Variants in STK11IP observed in about 807,000 individuals in gnomAD.
STK11IP encodes the protein serine/threonine kinase 11 interacting protein, also known as serine/threonine-protein kinase 11-interacting protein.
A neutral mutation model predicts 131.7 loss-of-function variants in STK11IP; 103 were observed. The observed-to-expected ratio is 0.78, with a 90% CI of 0.67 to 0.92. STK11IP has a LOEUF of 0.92. Among genes scored for constraint, STK11IP ranks in the 40% least tolerant of loss-of-function variants. STK11IP has a pLI of 0.00. For synonymous variants in STK11IP, 557 were observed against 575.6 expected, an observed-to-expected ratio of 0.97 and a Z score of 0.46; for missense variants, 1,315 against 1,385.7, an observed-to-expected ratio of 0.95 and a Z score of 0.81.
intron 5 of STK11IP, 109 bp from the exon 6 acceptor site, chr2:219,602,359 A>T (rs1698015310): frequency 1.2e-6 from 1 of 839,412 alleles, no homozygotes; most frequent in African/African-American, 1.7e-5. Context: ...GTATCTTCAG[A>T]TGGAGTTCAG....
At position 219,605,637 on chromosome 2, in the gene STK11IP, C is replaced by T; in HGVS notation, c.648C>T (p.Ile216=). 1 of 1,552,766 alleles carries T rather than the reference C, an allele frequency of 6.4e-7. No individual in the cohort carries two copies. The highest frequency in any genetic ancestry group is 8.7e-7 in the Non-Finnish European group (1 of 1,147,552). The part of the protein sequence containing the change: ...MDLCELHHLD[I]SYNRLHLVPR... ...TGTGTGAGCTCCACCATCTGGACAT[C>T]TCCTATAATCGCCTGCATTTGGTGC... is the stretch of plus-strand genomic sequence containing the variant. The change falls in exon 8 of 25, where the codon ATC becomes ATT. Residue 216 remains isoleucine (I), a synonymous_variant. Transcript: ENST00000456909.
rs140290200 is a variant in STK11IP, at chr2:219,611,255, G to A, written c.2105-349G>A. Among the ~76,000 whole-genome samples the A allele has an allele frequency of 5.3e-4, 80 of 152,294 alleles. 1 individual carries two copies. Among genetic ancestry groups the A allele is most frequent in the African/African-American group, 1.8e-3 (75 of 41,560 alleles). ...ACCTGTTGATTTTGGTCTTTCAGACGTTGCTAGGAGAGCCCTGAAGTACTT... is the reference window on the plus strand; with the variant it reads ...ACCTGTTGATTTTGGTCTTTCAGACATTGCTAGGAGAGCCCTGAAGTACTT... On this transcript the variant is annotated intron_variant, in intron 17 of 24. Coordinates refer to ENST00000456909, the MANE Select transcript of STK11IP (RefSeq NM_052902.4).
rs1348811068 is a variant in STK11IP at position 219,602,789 on chromosome 2, A to G, written c.618+13A>G. ...GGGATTCCTGATGGTGAGTATGGGCAGTTTGGCAGCTGGCACACCATGGGT... is the reference window on the plus strand; with the variant it reads ...GGGATTCCTGATGGTGAGTATGGGCGGTTTGGCAGCTGGCACACCATGGGT... On this transcript the variant is annotated intron_variant, in intron 7 of 24. Transcript: ENST00000456909. 3 of 1,608,140 alleles carry G rather than the reference A, an allele frequency of 1.9e-6. No homozygotes were observed. In the African/African-American group the frequency reaches 4.0e-5, roughly 21 times the overall value.
intron 21 of STK11IP, 76 bp downstream of exon 21, chr2:219,614,006 T>G (rs968591144): frequency 4.3e-5 from 64 of 1,501,972 alleles, no homozygotes; most frequent in Admixed American, 1.0e-4. Flanking sequence ...CCCCACCTGG[T>G]ACCCAGTAGC....
At position 219,613,179 on chromosome 2, in the gene STK11IP, G is replaced by T; in HGVS notation, c.2491G>T (p.Val831Leu). 1 of 1,610,534 alleles carries T rather than the reference G, an allele frequency of 6.2e-7. No individual in the cohort carries two copies. The highest frequency in any genetic ancestry group is 8.5e-7 in the Non-Finnish European group (1 of 1,178,738). ...HTGEFMCLVVVSDRRLYLLKV... is the reference protein window; with the variant it reads ...HTGEFMCLVVLSDRRLYLLKV... Reference sequence around the variant, plus strand: ...TGGGGAGTTCATGTGCCTTGTGGTTGTGTCTGACCGCAGGCTGTACCTGTT... The same window carrying T: ...TGGGGAGTTCATGTGCCTTGTGGTTTTGTCTGACCGCAGGCTGTACCTGTT... The change falls in exon 20 of 25, where the codon GTG (valine) becomes TTG (leucine). Residue 831 changes from valine to leucine, a missense_variant. Physicochemically the swap from Val to Leu is conservative, Grantham distance 32. Transcript: ENST00000456909.
Position 219,602,545 on chromosome 2 carries a change from C to G in STK11IP, c.516C>G (p.Tyr172Ter). Residue 172 changes from tyrosine to a stop codon, truncating the protein, a stop_gained, in exon 6 of 25, where the codon TAC becomes TAG. Coordinates refer to ENST00000456909, the MANE Select transcript of STK11IP (RefSeq NM_052902.4). LOFTEE classifies it high-confidence loss of function. ...WLALLSANFS[Y>*]NALTALDSSL... ...CTCTGCTTTCTGCCAACTTCAGCTA[C>G]AATGCACTGACCGCCTTAGACAGCT... is the stretch of plus-strand genomic sequence containing the variant. 1.2e-6 allele frequency: 2 copies of G among 1,614,038 alleles called. No individual in the cohort carries two copies. The highest frequency in any genetic ancestry group is 8.5e-7 in the Non-Finnish European group (1 of 1,179,898).
In STK11IP at chr2:219,615,213, G is replaced by A. The variant is rs1559189463; in HGVS notation, c.2989G>A (p.Glu997Lys). Reference sequence around the variant, plus strand: ...TCCAGCAGCATCTGGCGAAGCCTCTGAGAAGGTGCCTCCCTCGGGGCCGGG... The same window carrying A: ...TCCAGCAGCATCTGGCGAAGCCTCTAAGAAGGTGCCTCCCTCGGGGCCGGG... ...SPPAASGEAS[E>K]KVPPSGPGPA... is the part of the protein sequence containing the mutation. Residue 997 changes from glutamate to lysine, a missense_variant, in exon 24 of 25, where the codon GAG becomes AAG. Transcript: ENST00000456909. 6.3e-7 allele frequency: 1 copy of A among 1,596,254 alleles called. No homozygotes were observed. Among genetic ancestry groups the A allele is most frequent in the African/African-American group, 1.3e-5 (1 of 74,834 alleles).
At chr2:219,608,911 C>T (rs1437572800) in intron 15 of STK11IP, 123 bp downstream of exon 15, 2 of 1,228,970 alleles carry the variant, frequency 1.6e-6, no homozygotes, top group South Asian at 1.5e-5. Flanking sequence ...AGGAGGGGAG[C>T]CTCAGAGGTT....
At chr2:219,605,846 C>A in intron 8 of STK11IP, 110 bp from the exon 9 acceptor site, 1 of 1,485,780 alleles carries the variant, frequency 6.7e-7, no homozygotes, top group South Asian at 1.2e-5. Context: ...ATGGGGAGTG[C>A]AGGGGTGCTC....
At position 219,612,003 on chromosome 2, in the gene STK11IP, TC is replaced by T; in HGVS notation, c.2386del (p.Leu796TrpfsTer44). Reference protein sequence around the residue: ...LRSVDHRLRLFLDVEVFSDAQ... With the variant: ...LRSVDHRLRLXLDVEVFSDAQ... ...TCTGTGGACCACCGACTCCGGCTCT[TC>T]CTGGATGTTGAGGTGTTCAGCGATG... On this transcript the variant is annotated frameshift_variant, in exon 19 of 25. Coordinates refer to ENST00000456909, the MANE Select transcript of STK11IP (RefSeq NM_052902.4). LOFTEE classifies it high-confidence loss of function. The T allele has an allele frequency of 6.2e-7, 1 of 1,605,704 alleles. No individual in the cohort carries two copies. Among genetic ancestry groups the T allele is most frequent in the Non-Finnish European group, 8.5e-7 (1 of 1,176,970 alleles).
chr2:219,610,986 G>A (rs1698377716), intron 17 of STK11IP, among the ~76,000 whole-genome samples: 1 of 152,176 alleles, frequency 6.6e-6, no homozygotes, highest in African/African-American at 2.4e-5. Context: ...AGGAGGTAGC[G>A]CATGCCCATC....
intron 1 of STK11IP, 82 bp downstream of exon 1, chr2:219,598,005 C>T: frequency 1.3e-6 from 2 of 1,583,560 alleles, no homozygotes; most frequent in South Asian, 1.1e-5. Flanking sequence ...GCCTTTTTCT[C>T]CGCATGACGC....
intron 1 of STK11IP, 83 bp downstream of exon 1, chr2:219,598,006 C>A (rs1299455766): frequency 1.3e-6 from 2 of 1,582,742 alleles, no homozygotes; most frequent in Non-Finnish European, 1.7e-6. Flanking sequence ...CCTTTTTCTC[C>A]GCATGACGCC....
chr2:219,608,573 C>T lies in STK11IP; in HGVS notation c.1604-10C>T. 6.4e-7 allele frequency: 1 copy of T among 1,571,556 alleles called. No homozygotes were observed. The highest frequency in any genetic ancestry group is 8.6e-7 in the Non-Finnish European group (1 of 1,157,376). On this transcript the variant is annotated splice_polypyrimidine_tract_variant and intron_variant, in intron 14 of 24. Transcript: ENST00000456909. The stretch of plus-strand genomic sequence containing the variant: ...CTCCCTGCAGGCCTTTTCTCTTGGT[C>T]TCTCCACAGCGGAACTCTGTCGCCC...
chr2:219,611,486 G>T, intron 17 of STK11IP, 118 bp from the exon 18 acceptor site: 1 of 858,646 alleles, frequency 1.2e-6, no homozygotes. Flanking sequence ...GGTTGTGTAT[G>T]AAGCTGGAGG....
intron 10 of STK11IP, 54 bp downstream of exon 10, chr2:219,606,344 C>G: frequency 6.5e-7 from 1 of 1,545,058 alleles, no homozygotes; most frequent in South Asian, 1.2e-5. Context: ...CAGTCCTCCC[C>G]CACCTTGCAC....
In STK11IP at chr2:219,605,648, G is replaced by A. The variant is rs1421800522; in HGVS notation, c.659G>A (p.Arg220His). The change falls in exon 8 of 25, where the codon CGC (arginine) becomes CAC (histidine). Residue 220 changes from arginine (R) to histidine (H), a missense_variant. By Grantham distance (29) the Arg-to-His change is conservative. Transcript: ENST00000456909. The stretch of plus-strand genomic sequence containing the variant: ...CACCATCTGGACATCTCCTATAATC[G>A]CCTGCATTTGGTGCCAAGAATGGGA... ...ELHHLDISYN[R>H]LHLVPRMGPS... 7.7e-6 allele frequency: 12 copies of A among 1,554,602 alleles called. No homozygotes were observed. The highest frequency in any genetic ancestry group is 1.0e-5 in the Non-Finnish European group (12 of 1,148,594).
intron 2 of STK11IP, among the ~76,000 whole-genome samples, chr2:219,600,701 T>G (rs1697957273): frequency 1.3e-5 from 2 of 152,230 alleles, no homozygotes; most frequent in Admixed American, 1.3e-4. Flanking sequence ...ATAGTTATTC[T>G]ATGACATACT....
intron 2 of STK11IP, 34 bp from the exon 3 acceptor site, chr2:219,601,201 G>T: frequency 1.9e-6 from 3 of 1,571,868 alleles, no homozygotes; most frequent in African/African-American, 1.4e-5. Flanking sequence ...TCTTTTCACT[G>T]TGTCTTCCCT....
Sources: allele counts gnomAD v4.1 joint callset (sites outside exome capture counted in the v4.1 genomes callset), GRCh38; gene constraint gnomAD v4.1.1; transcripts MANE v1.5; gene names NCBI Gene and HGNC (gene_info 2026-07-23, HGNC 2026-07-21).